TIMP3: variants seen among roughly 807,000 people sequenced by gnomAD.
The protein encoded by TIMP3 is metalloproteinase inhibitor 3.
TIMP3 carries 11 observed loss-of-function variants against 30.0 expected under a neutral mutation model. The observed-to-expected ratio is 0.37, with a 90% confidence interval of 0.23 to 0.61. The LOEUF (loss-of-function observed/expected upper bound fraction) is 0.61. TIMP3 is among the 20% of genes least tolerant of loss of function. The probability of loss-of-function intolerance (pLI) is 0.70; values close to 1 mark genes in which losing one functional copy is unlikely to be tolerated. For synonymous variants in TIMP3, 112 were observed against 111.3 expected, an observed-to-expected ratio of 1.01 and a Z score of -0.04; for missense variants, 181 against 276.8, an observed-to-expected ratio of 0.65 and a Z score of 2.45.
chr22:32,819,544 T>C (rs1426902046), intron 1 of TIMP3, among the ~76,000 whole-genome samples: 2 of 152,204 alleles, frequency 1.3e-5, no homozygotes, highest in East Asian at 3.9e-4. Context: ...CACAGGTTTA[T>C]GGAGCACCTA....
Position 32,802,048 on chromosome 22 carries a change from TG to T in TIMP3, c.52del (p.Asp18ThrfsTer24). On this transcript the variant is annotated frameshift_variant, in exon 1 of 5. Coordinates refer to ENST00000266085, the MANE Select transcript of TIMP3 (RefSeq NM_000362.5). LOFTEE classifies it high-confidence loss of function. ...ATCGTGCTCCTGGGCAGCTGGAGCCTGGGGGACTGGGGCGCCGAGGCGTGCA... is the reference window on the plus strand; with the variant it reads ...ATCGTGCTCCTGGGCAGCTGGAGCCTGGGGACTGGGGCGCCGAGGCGTGCA... ...GLIVLLGSWSLGDWGAEACTC... is the reference protein window; with the variant it reads ...GLIVLLGSWSXGDWGAEACTC... 1.3e-6 allele frequency: 2 copies of T among 1,575,874 alleles called. No individual in the cohort carries two copies. The highest frequency in any genetic ancestry group is 8.6e-7 in the Non-Finnish European group (1 of 1,165,660).
chr22:32,861,024 A>G lies in TIMP3; in HGVS notation c.*1647A>G, dbSNP rs1479628788. 1 of 151,198 alleles carries G rather than the reference A, an allele frequency of 6.6e-6. No homozygotes were observed. Among genetic ancestry groups the G allele is most frequent in the East Asian group, 1.9e-4 (1 of 5,144 alleles). 9.4% of individuals were successfully genotyped at this position (151,198 alleles called of 1,614,324 possible). On this transcript the variant is annotated 3_prime_UTR_variant, in exon 5 of 5. Coordinates refer to ENST00000266085, the MANE Select transcript of TIMP3 (RefSeq NM_000362.5). ...ATGCTGAGAGTAGGTGATAATGTAT[A>G]TTTTACAGAGTGGGGGTTGGCAGGA...
chr22:32,847,190 G>T (rs1244675466), intron 1 of TIMP3, among the ~76,000 whole-genome samples: 1 of 152,218 alleles, frequency 6.6e-6, no homozygotes, highest in Non-Finnish European at 1.5e-5. Context: ...TGGCAGACAT[G>T]CCTCTGCACG....
rs192527743 is a variant in TIMP3, at chr22:32,817,347, C to T, written c.121+15225C>T. On this transcript the variant is annotated intron_variant, in intron 1 of 4. Transcript: ENST00000266085. ...GTGACCTGTTTAGCTCTGTTTAATC[C>T]AGTGTTCTCTGAACATATCTAGCCA... Among the ~76,000 whole-genome samples, 67 of 152,252 alleles carry T rather than the reference C, an allele frequency of 4.4e-4. 1 individual carries two copies. The highest frequency in any genetic ancestry group is 1.5e-3 in the African/African-American group (62 of 41,556).
At chr22:32,847,724 G>T (rs1045934791) in intron 1 of TIMP3, among the ~76,000 whole-genome samples, 4 of 152,168 alleles carry the variant, frequency 2.6e-5, no homozygotes, top group African/African-American at 9.7e-5. Context: ...TGTGTGAAGG[G>T]TATTTTACTT....
At chr22:32,825,099 G>A (rs2047363099) in intron 1 of TIMP3, among the ~76,000 whole-genome samples, 1 of 152,110 alleles carries the variant, frequency 6.6e-6, no homozygotes, top group South Asian at 2.1e-4. Context: ...TTTCGGGTTT[G>A]GTAAACAGCT....
chr22:32,855,856 A>T (rs528863774), intron 2 of TIMP3, among the ~76,000 whole-genome samples: 73 of 152,342 alleles, frequency 4.8e-4, no homozygotes, highest in African/African-American at 1.7e-3. Context: ...GTAGATACAA[A>T]TAGCCAAATA....
intron 1 of TIMP3, among the ~76,000 whole-genome samples, chr22:32,830,705 C>T (rs1402409853): frequency 2.6e-5 from 4 of 152,144 alleles, no homozygotes; most frequent in African/African-American, 9.7e-5. Flanking sequence ...CCCTGCAGGG[C>T]CCTGGAATCC....
At chr22:32,824,329 C>T (rs1170440722) in intron 1 of TIMP3, among the ~76,000 whole-genome samples, 5 of 143,416 alleles carry the variant, frequency 3.5e-5, no homozygotes. Context: ...CCTGAGCCAG[C>T]AGTTCCATCA....
At chr22:32,814,135 TGTGTGTGAGA>T (rs1344099453) in intron 1 of TIMP3, among the ~76,000 whole-genome samples, 29 of 72,108 alleles carry the variant, frequency 4.0e-4, no homozygotes, top group African/African-American at 1.4e-3. Flanking sequence ...TGTGTGTGTG[TGTGTGTGAGA>T]GAGAGAGAGA....
intron 1 of TIMP3, among the ~76,000 whole-genome samples, chr22:32,830,415 G>A (rs2047538659): frequency 6.6e-6 from 1 of 152,174 alleles, no homozygotes; most frequent in African/African-American, 2.4e-5. Flanking sequence ...TCTATAGCTA[G>A]GAGGAGCTGG....
chr22:32,820,812 G>C (rs2047225599), intron 1 of TIMP3, among the ~76,000 whole-genome samples: 1 of 152,214 alleles, frequency 6.6e-6, no homozygotes, highest in Non-Finnish European at 1.5e-5. Flanking sequence ...TTCTTGGAAG[G>C]AGAAAAGGAG....
chr22:32,857,384 G>T (rs2048400544), intron 3 of TIMP3, 24 bp downstream of exon 3: 1 of 1,592,514 alleles, frequency 6.3e-7, no homozygotes, highest in Non-Finnish European at 8.6e-7. Flanking sequence ...CTAGCTTCTA[G>T]GCCAGGGTTT....
At chr22:32,811,909 C>T (rs948977261) in intron 1 of TIMP3, among the ~76,000 whole-genome samples, 3 of 152,114 alleles carry the variant, frequency 2.0e-5, no homozygotes, top group African/African-American at 7.2e-5. Context: ...AAAGAGAGGG[C>T]CCTAGAAATG....
At chr22:32,827,381 C>A (rs1436778324) in intron 1 of TIMP3, among the ~76,000 whole-genome samples, 1 of 152,238 alleles carries the variant, frequency 6.6e-6, no homozygotes, top group Non-Finnish European at 1.5e-5. Flanking sequence ...TACCCCGTTT[C>A]CTTGAAATCT....
intron 2 of TIMP3, 52 bp from the exon 3 acceptor site, chr22:32,857,197 A>C: frequency 7.3e-7 from 1 of 1,368,788 alleles, no homozygotes; most frequent in Non-Finnish European, 1.0e-6. Flanking sequence ...TAGGGATCAT[A>C]CGGGTGTCCA....
chr22:32,832,806 C>T (rs2047616082), intron 1 of TIMP3, among the ~76,000 whole-genome samples: 1 of 152,116 alleles, frequency 6.6e-6, no homozygotes, highest in African/African-American at 2.4e-5. Flanking sequence ...TGGCTTCCTG[C>T]AGCCTCAACT....
intron 1 of TIMP3, among the ~76,000 whole-genome samples, chr22:32,827,617 C>G (rs1257700798): frequency 6.6e-6 from 1 of 152,158 alleles, no homozygotes; most frequent in African/African-American, 2.4e-5. Flanking sequence ...AGCCACTCCC[C>G]TACAATCCTT....
intron 1 of TIMP3, among the ~76,000 whole-genome samples, chr22:32,807,646 G>T (rs137903530): frequency 6.7e-6 from 1 of 150,250 alleles, no homozygotes; most frequent in Non-Finnish European, 1.5e-5. Flanking sequence ...CTCGTTTAAG[G>T]TTATACTGCT....
Sources: gnomAD v4.1 joint callset for allele counts (sites outside exome capture counted in the v4.1 genomes callset) on GRCh38, gnomAD v4.1.1 for gene constraint, MANE v1.5 for transcripts, NCBI Gene and HGNC (gene_info 2026-07-23, HGNC 2026-07-21) for gene names.